DENND2A: variants seen among roughly 807,000 people sequenced by gnomAD.
DENND2A encodes DENN domain-containing protein 2A.
Under a neutral mutation model 105.3 loss-of-function variants are expected in DENND2A, and 53 were observed. The ratio of observed to expected loss-of-function variants is 0.50; its 90% CI spans 0.40 to 0.63. DENND2A has a LOEUF of 0.63. DENND2A is among the 30% of genes least tolerant of loss of function. The pLI is 0.00. For synonymous variants in DENND2A, 522 were observed against 508.4 expected (o/e 1.03, Z -0.36); for missense variants, 1,138 against 1,279.6 (o/e 0.89, Z 1.69).
intron 14 of DENND2A, among the ~76,000 whole-genome samples, chr7:140,541,627 C>T: frequency 6.6e-6 from 1 of 152,214 alleles, no homozygotes; most frequent in East Asian, 1.9e-4. Flanking sequence ...TATTACTCAT[C>T]CTGGCTTCCA....
chr7:140,541,550 G>C (rs768976142), intron 14 of DENND2A, among the ~76,000 whole-genome samples: 1 of 152,178 alleles, frequency 6.6e-6, no homozygotes, highest in African/African-American at 2.4e-5. Context: ...TGGAGGGAGT[G>C]GGGGATGGAG....
At chr7:140,619,478 CA>C (rs1800200869) in intron 1 of DENND2A, among the ~76,000 whole-genome samples, 1 of 151,084 alleles carries the variant, frequency 6.6e-6, no homozygotes, top group Non-Finnish European at 1.5e-5. Context: ...CACAACTCCA[CA>C]AATACACTAA....
intron 13 of DENND2A, among the ~76,000 whole-genome samples, chr7:140,546,319 G>T (rs1796902072): frequency 6.6e-6 from 1 of 152,084 alleles, no homozygotes; most frequent in African/African-American, 2.4e-5. Context: ...TTGGGAGGCT[G>T]AGGCAACAGA....
chr7:140,539,110 A>G (rs1796556729), intron 14 of DENND2A, among the ~76,000 whole-genome samples: 1 of 152,202 alleles, frequency 6.6e-6, no homozygotes. Flanking sequence ...AGGCGTGAGC[A>G]ACTGCGCTTG....
At chr7:140,520,630 C>T (rs940973229) in intron 18 of DENND2A, among the ~76,000 whole-genome samples, 5 of 151,848 alleles carry the variant, frequency 3.3e-5, no homozygotes, top group Admixed American at 2.6e-4. Context: ...GCCACTGTGG[C>T]TCACTGCAAG....
chr7:140,602,307 G>T lies in DENND2A; in HGVS notation c.91C>A (p.Pro31Thr), dbSNP rs1316119383. ...GKKQLRGVQN[P>T]CPSARARPRH... ...GGTCTGGCTCTGGCAGATGGGCAAG[G>T]GTTCTGAACACCTCTGAGCTGCTTC... The change falls in exon 3 of 20, where the codon CCT becomes ACT. Residue 31 changes from proline to threonine, a missense_variant. Coordinates refer to ENST00000496613, the MANE Select transcript of DENND2A (RefSeq NM_015689.5). The T allele has an allele frequency of 3.7e-6, 6 of 1,606,878 alleles. No individual in the cohort carries two copies. Among genetic ancestry groups the T allele is most frequent in the Non-Finnish European group, 5.1e-6 (6 of 1,179,974 alleles).
intron 2 of DENND2A, among the ~76,000 whole-genome samples, chr7:140,603,476 A>G (rs990401427): frequency 6.6e-6 from 1 of 152,226 alleles, no homozygotes; most frequent in Admixed American, 6.5e-5. Context: ...GGGCAAAGCC[A>G]CAATGATTGG....
chr7:140,563,529 A>G (rs1797713919), intron 9 of DENND2A, among the ~76,000 whole-genome samples: 1 of 152,182 alleles, frequency 6.6e-6, no homozygotes, highest in East Asian at 1.9e-4. Context: ...GACAGAAGTG[A>G]GGGATAAAAC....
intron 9 of DENND2A, among the ~76,000 whole-genome samples, chr7:140,560,962 G>A (rs771833005): frequency 2.3e-4 from 35 of 152,148 alleles, no homozygotes; most frequent in Non-Finnish European, 4.6e-4. Flanking sequence ...AATTAATAAA[G>A]TCTGATTTAG....
At chr7:140,532,268 C>CA (rs1184454579) in intron 14 of DENND2A, among the ~76,000 whole-genome samples, 4 of 151,894 alleles carry the variant, frequency 2.6e-5, no homozygotes, top group Admixed American at 2.6e-4. Context: ...GACTCCGTCT[C>CA]AAAAAAATAA....
intron 1 of DENND2A, among the ~76,000 whole-genome samples, chr7:140,636,839 G>A (rs1800955236): frequency 6.6e-6 from 1 of 151,918 alleles, no homozygotes. Flanking sequence ...ACAGGTGTGT[G>A]TCACTGTGTG....
At chr7:140,615,477 C>G (rs1800048556) in intron 1 of DENND2A, among the ~76,000 whole-genome samples, 3 of 151,856 alleles carry the variant, frequency 2.0e-5, no homozygotes, top group African/African-American at 7.3e-5. Context: ...GAGGCAGTAC[C>G]AAAGGCACAA....
intron 3 of DENND2A, among the ~76,000 whole-genome samples, chr7:140,592,197 A>G (rs182728105): frequency 0.041 from 5,724 of 138,828 alleles, 211 homozygotes; most frequent in African/African-American, 0.11. Context: ...CTGCCACCAC[A>G]TCTGGCTAAT....
rs1462503199 is a variant in DENND2A, at chr7:140,640,075, G to T, written c.-248+429C>A. ...GGGGGCCCGGCTGCTCAGCCGCCTC[G>T]ATGCCCCGCGCTTGCACGCGCACGC... On this transcript the variant is annotated intron_variant, in intron 1 of 19. Transcript: ENST00000496613. The surrounding 1 kb of genome is among the most constrained non-coding windows in gnomAD (Gnocchi z 4.9). Among the ~76,000 whole-genome samples the T allele has an allele frequency of 6.6e-6, 1 of 152,166 alleles. No homozygotes were observed. Among genetic ancestry groups the T allele is most frequent in the Non-Finnish European group, 1.5e-5 (1 of 68,018 alleles).
intron 1 of DENND2A, among the ~76,000 whole-genome samples, chr7:140,633,971 A>T (rs1677536517): frequency 6.6e-6 from 1 of 152,004 alleles, no homozygotes; most frequent in African/African-American, 2.4e-5. Flanking sequence ...AATTCCTAAA[A>T]ATGGAATTGC....
At chr7:140,568,699 A>G in intron 8 of DENND2A, 64 bp downstream of exon 8, 1 of 1,544,160 alleles carries the variant, frequency 6.5e-7, no homozygotes, top group Non-Finnish European at 9.0e-7. Context: ...ACTAAGGAGG[A>G]GGGGCCACCT....
intron 14 of DENND2A, among the ~76,000 whole-genome samples, chr7:140,534,573 A>G (rs1018549613): frequency 2.2e-4 from 33 of 152,188 alleles, no homozygotes; most frequent in African/African-American, 7.7e-4. Context: ...CTGACTTGTG[A>G]AGGCCCGAGG....
At chr7:140,533,449 C>T (rs1421066721) in intron 14 of DENND2A, among the ~76,000 whole-genome samples, 2 of 152,170 alleles carry the variant, frequency 1.3e-5, no homozygotes, top group African/African-American at 4.8e-5. Context: ...CAGAGAGGCC[C>T]CCAGGGCCTG....
intron 1 of DENND2A, among the ~76,000 whole-genome samples, chr7:140,612,698 C>T (rs115572449): frequency 0.013 from 1,997 of 152,180 alleles, 34 homozygotes; most frequent in African/African-American, 0.044. Context: ...GATAGGACTT[C>T]TCCATATTGG....
Sources: allele counts gnomAD v4.1 joint callset (sites outside exome capture counted in the v4.1 genomes callset), GRCh38; gene constraint gnomAD v4.1.1; non-coding constraint Gnocchi (gnomAD v3.1); transcripts MANE v1.5; gene names NCBI Gene and HGNC (gene_info 2026-07-23, HGNC 2026-07-21).